The following SYNE2 variants were observed in gnomAD, a reference collection of about 807,000 sequenced individuals.
The protein encoded by SYNE2 is nesprin-2.
A neutral mutation model predicts 856.3 loss-of-function variants in SYNE2; 431 were observed. The observed-to-expected ratio is 0.50, with a 90% CI of 0.47 to 0.55. The LOEUF is 0.55. Among genes scored for constraint, SYNE2 ranks in the 20% least tolerant of loss-of-function variants. SYNE2 has a pLI of 0.00. For synonymous variants in SYNE2, 2,923 were observed against 2,872.3 expected (o/e 1.02, Z -0.56); for missense variants, 8,129 against 8,023.2 (o/e 1.01, Z -0.50).
chr14:64,120,522 G>A (rs371696205), intron 67 of SYNE2, among the ~76,000 whole-genome samples: 8 of 152,294 alleles, frequency 5.3e-5, no homozygotes, highest in Admixed American at 1.3e-4. Flanking sequence ...CCAGCCCTTT[G>A]GGAGGCTGAG....
At chr14:63,802,950 A>G (rs1300073915) in intron 1 of SYNE2, among the ~76,000 whole-genome samples, 1 of 152,126 alleles carries the variant, frequency 6.6e-6, no homozygotes, top group Non-Finnish European at 1.5e-5. Context: ...CCAAAGAGTG[A>G]GCAGTAGGAA....
Position 63,994,010 on chromosome 14 carries a change from G to A in SYNE2, c.2781+41G>A, listed in dbSNP as rs1396458784. On this transcript the variant is annotated intron_variant, in intron 22 of 115. Transcript: ENST00000555002. ...TGTTTCTGAACTTACGTTTTTATAT[G>A]TCTGATCCTGGGCTGTTGGTTGTCA... is the stretch of plus-strand genomic sequence containing the variant. 1.9e-6 allele frequency: 3 copies of A among 1,605,528 alleles called. No individual in the cohort carries two copies. The South Asian group carries it at 3.3e-5, about 18-fold the overall frequency.
chr14:64,158,045 G>A (rs577133891), intron 85 of SYNE2, among the ~76,000 whole-genome samples: 1 of 152,270 alleles, frequency 6.6e-6, no homozygotes, highest in African/African-American at 2.4e-5. Context: ...CATACCAGTG[G>A]ACAAAATACA....
At chr14:63,865,693 CA>C in intron 1 of SYNE2, among the ~76,000 whole-genome samples, 1 of 95,656 alleles carries the variant, frequency 1.0e-5, no homozygotes, top group Non-Finnish European at 2.2e-5. Context: ...GCCTGGGCAA[CA>C]AGAGCAAAAC....
At chr14:63,953,510 G>A (rs890293723) in intron 7 of SYNE2, among the ~76,000 whole-genome samples, 1 of 143,608 alleles carries the variant, frequency 7.0e-6, no homozygotes, top group African/African-American at 2.6e-5. Context: ...AGCTAATGAT[G>A]TTGATTGATA....
chr14:64,186,362 G>T, intron 96 of SYNE2, 62 bp from the exon 97 acceptor site: 1 of 1,606,916 alleles, frequency 6.2e-7, no homozygotes, highest in Non-Finnish European at 8.5e-7. Flanking sequence ...TAGCCTACAG[G>T]TTTGGAAACA....
In SYNE2 at chr14:64,126,477, G is replaced by C. The variant is rs777781350; in HGVS notation, c.13705G>C (p.Glu4569Gln). 25 of 1,614,134 alleles carry C rather than the reference G, an allele frequency of 1.5e-5. No individual in the cohort carries two copies. Among genetic ancestry groups the C allele is most frequent in the Non-Finnish European group, 2.1e-5 (25 of 1,179,990 alleles). ...EDGSGQQVHY[E>Q]TLALELKKLY... ...TGGTTCTGGCCAGCAGGTGCACTAC[G>C]AGGTAGGGCACTTCTCACGAGCCCA... The change falls in exon 72 of 116, where the codon GAG becomes CAG. Residue 4569 changes from glutamate (E) to glutamine (Q), a missense_variant and splice_region_variant. Physicochemically the swap from Glu to Gln is conservative, Grantham distance 29. Around this residue, in one of 3 missense-constraint regions of SYNE2, gnomAD observed 5,410 missense variants for 5,284.8 expected, o/e 1.02. Transcript: ENST00000555002.
At chr14:63,809,597 T>C (rs1302391611) in intron 1 of SYNE2, among the ~76,000 whole-genome samples, 1 of 152,170 alleles carries the variant, frequency 6.6e-6, no homozygotes, top group African/African-American at 2.4e-5. Flanking sequence ...CACTCCAGGC[T>C]CCAGCGATGC....
intron 89 of SYNE2, 46 bp from the exon 90 acceptor site, chr14:64,165,239 A>G (rs1382481571): frequency 6.3e-7 from 1 of 1,595,538 alleles, no homozygotes; most frequent in Non-Finnish European, 8.6e-7. Flanking sequence ...ATTCTGTTTT[A>G]TATGTACATG....
intron 109 of SYNE2, 84 bp from the exon 110 acceptor site, chr14:64,219,124 T>TTTTTTTAA: frequency 1.2e-5 from 10 of 845,412 alleles, no homozygotes; most frequent in Non-Finnish European, 1.8e-5. Context: ...TTTTTTTTTT[T>TTTTTTTAA]AACCACCCTG....
intron 1 of SYNE2, among the ~76,000 whole-genome samples, chr14:63,861,476 A>G (rs1463468069): frequency 2.6e-5 from 4 of 151,972 alleles, no homozygotes; most frequent in Admixed American, 1.3e-4. Flanking sequence ...ATTAGTTGGC[A>G]CTAATATCAT....
intron 1 of SYNE2, among the ~76,000 whole-genome samples, chr14:63,829,455 G>A (rs1004151733): frequency 4.6e-5 from 7 of 151,700 alleles, no homozygotes; most frequent in South Asian, 2.1e-4. Flanking sequence ...AAAGTCTAGC[G>A]TTTCTTCTTC....
chr14:64,058,369 G>A (rs139300078), intron 49 of SYNE2, among the ~76,000 whole-genome samples: 106 of 152,208 alleles, frequency 7.0e-4, no homozygotes, highest in African/African-American at 2.5e-3. Flanking sequence ...TCCCGGAACC[G>A]TTTATTGGTA....
chr14:64,036,114 CTCTT>C (rs2097087745), intron 45 of SYNE2, among the ~76,000 whole-genome samples: 1 of 151,666 alleles, frequency 6.6e-6, no homozygotes, highest in Admixed American at 6.6e-5. Flanking sequence ...CCTCAATGGA[CTCTT>C]TATTGAGTTC....
At chr14:63,870,213 A>C (rs1471023623) in intron 1 of SYNE2, among the ~76,000 whole-genome samples, 1 of 152,134 alleles carries the variant, frequency 6.6e-6, no homozygotes, top group Non-Finnish European at 1.5e-5. Flanking sequence ...TCTTCAGCCC[A>C]CAATCTACTC....
rs577880802 is a variant in SYNE2, at chr14:63,845,590, C to T, written c.-304-6911C>T. ...CAAATAATTGGCATGGTAATTTATA[C>T]ATTGGTTCTCTGTATTTGACATAAT... is the stretch of plus-strand genomic sequence containing the variant. On this transcript the variant is annotated intron_variant, in intron 1 of 23. Transcript: ENST00000674003. 3.2e-4 allele frequency among the ~76,000 whole-genome samples: 48 copies of T among 152,036 alleles called. 1 individual carries two copies. In the South Asian group the frequency reaches 3.9e-3, roughly 12 times the overall value.
In SYNE2 at chr14:64,225,331, C is replaced by T. The variant is rs748271690; in HGVS notation, c.20529C>T (p.Ser6843=). Residue 6843 remains serine, a synonymous_variant, in exon 116 of 116, where the codon AGC becomes AGT. Coordinates refer to ENST00000555002, the MANE Select transcript of SYNE2 (RefSeq NM_182914.3). ...CCTCTGTTGGCAGGGTCCCCGGCAG[C>T]ACACGGCCACAGCGCTCCTTCCTCT... ...EEETESRVPG[S]TRPQRSFLSR... 3 of 1,614,158 alleles carry T rather than the reference C, an allele frequency of 1.9e-6. No homozygotes were observed. Among genetic ancestry groups the T allele is most frequent in the Non-Finnish European group, 2.5e-6 (3 of 1,180,032 alleles).
At chr14:63,781,314 T>G (rs1887299857) in intron 1 of SYNE2, among the ~76,000 whole-genome samples, 1 of 150,754 alleles carries the variant, frequency 6.6e-6, no homozygotes, top group Non-Finnish European at 1.5e-5. Context: ...TGGACATCGC[T>G]GTATGGAAAT....
chr14:64,100,507 A>T (rs2097713134), intron 63 of SYNE2: 1 of 93,964 alleles, frequency 1.1e-5, no homozygotes, highest in African/African-American at 4.3e-5. Flanking sequence ...CAAGAGCAAA[A>T]CTGTCTCAAA....
Sources: allele counts gnomAD v4.1 joint callset (sites outside exome capture counted in the v4.1 genomes callset), GRCh38; gene constraint gnomAD v4.1.1; regional missense constraint gnomAD v4.1.1; transcripts MANE v1.5; gene names NCBI Gene and HGNC (gene_info 2026-07-23, HGNC 2026-07-21).